Variants in BCR observed in about 807,000 individuals in gnomAD.
The protein encoded by BCR is BCR activator of RhoGEF and GTPase.
A neutral mutation model predicts 138.6 loss-of-function variants in BCR; 58 were observed. The observed-to-expected ratio is 0.42, with a 90% CI of 0.34 to 0.52. BCR has a LOEUF of 0.52. Among genes scored for constraint, BCR ranks in the 20% least tolerant of loss-of-function variants. BCR has a pLI of 0.06. For missense variants in BCR, 1,599 were observed against 1,727.2 expected (o/e 0.93, Z 1.32); for synonymous variants, 786 against 730.1 (o/e 1.08, Z -1.23).
chr22:23,245,729 G>C (rs931945206), intron 1 of BCR, among the ~76,000 whole-genome samples: 3 of 151,922 alleles, frequency 2.0e-5, no homozygotes, highest in Non-Finnish European at 2.9e-5. Flanking sequence ...CCATCCGGAA[G>C]GATACTCTCA....
chr22:23,285,330 C>T, intron 10 of BCR, 129 bp downstream of exon 10: 2 of 1,018,678 alleles, frequency 2.0e-6, no homozygotes, highest in Non-Finnish European at 2.8e-6. Flanking sequence ...CCCCTGTAAG[C>T]TCTCAGCTCT....
intron 1 of BCR, among the ~76,000 whole-genome samples, chr22:23,252,853 G>C (rs1222083423): frequency 6.6e-6 from 1 of 152,176 alleles, no homozygotes; most frequent in Non-Finnish European, 1.5e-5. Flanking sequence ...CCCACACCAA[G>C]CAGTTCTCTG....
chr22:23,303,931 CTTT>C (rs131683), intron 16 of BCR, among the ~76,000 whole-genome samples: 2 of 106,166 alleles, frequency 1.9e-5, no homozygotes. Flanking sequence ...TCCTTGTTGC[CTTT>C]TTTTTTTTTT....
At chr22:23,221,343 G>C (rs1374819434) in intron 1 of BCR, among the ~76,000 whole-genome samples, 1 of 152,158 alleles carries the variant, frequency 6.6e-6, no homozygotes, top group Non-Finnish European at 1.5e-5. Context: ...CAGCACCTCT[G>C]AAAGGTTTTC....
intron 1 of BCR, among the ~76,000 whole-genome samples, chr22:23,244,975 T>A (rs913192324): frequency 6.6e-6 from 1 of 152,080 alleles, no homozygotes; most frequent in Admixed American, 6.5e-5. Flanking sequence ...CCTTTAACAG[T>A]GTTCTGGATC....
At chr22:23,219,974 A>C (rs1333254265) in intron 1 of BCR, among the ~76,000 whole-genome samples, 1 of 152,160 alleles carries the variant, frequency 6.6e-6, no homozygotes, top group Non-Finnish European at 1.5e-5. Flanking sequence ...TGGAGCATTG[A>C]GTCATCCTGT....
chr22:23,254,491 C>T (rs952669340), intron 2 of BCR: 3 of 519,004 alleles, frequency 5.8e-6, no homozygotes, highest in Non-Finnish European at 1.2e-5. Context: ...GGTGGCTTCC[C>T]CAAGGTCTCA....
chr22:23,181,198 G>T lies in BCR; in HGVS notation c.238G>T (p.Ala80Ser). ...CCGGCAGCGATGGGGCTTCCGGCGC[G>T]CGGCGCAGGCCCCCGACGGCGCCTC... ...YDRQRWGFRR[A>S]AQAPDGASEP... The change falls in exon 1 of 23, where the codon GCG becomes TCG. Residue 80 changes from alanine to serine, a missense_variant. This residue lies in a region of BCR where 806 missense variants were observed against 635.0 expected (regional missense o/e 1.27). Coordinates refer to ENST00000305877, the MANE Select transcript of BCR (RefSeq NM_004327.4). The T allele has an allele frequency of 1.5e-6, 2 of 1,317,368 alleles. No individual in the cohort carries two copies. The highest frequency in any genetic ancestry group is 2.0e-6 in the Non-Finnish European group (2 of 1,011,964). 81.6% of individuals were successfully genotyped at this position (1,317,368 alleles called of 1,614,324 possible).
At chr22:23,249,819 T>C (rs1342809201) in intron 1 of BCR, among the ~76,000 whole-genome samples, 1 of 152,188 alleles carries the variant, frequency 6.6e-6, no homozygotes, top group Non-Finnish European at 1.5e-5. Flanking sequence ...AGGCAGGGGC[T>C]GAAGCCCTCA....
At chr22:23,223,516 C>T (rs144581402) in intron 1 of BCR, among the ~76,000 whole-genome samples, 51 of 152,246 alleles carry the variant, frequency 3.3e-4, no homozygotes, top group African/African-American at 1.2e-3. Flanking sequence ...TATCCAAAGC[C>T]CTGTGTGCAC....
Position 23,314,631 on chromosome 22 carries a change from T to C in BCR, c.3643T>C (p.Ser1215Pro). Residue 1215 changes from serine (S) to proline (P), a missense_variant, in exon 22 of 23, where the codon TCC (serine) becomes CCC (proline). Physicochemically the swap from Ser to Pro is moderately conservative, Grantham distance 74 (BLOSUM62 -1). Coordinates refer to ENST00000305877, the MANE Select transcript of BCR (RefSeq NM_004327.4). ...TVFGPTLLRPSEKESKLPANP... is the reference protein window; with the variant it reads ...TVFGPTLLRPPEKESKLPANP... Reference sequence around the variant, plus strand: ...CTTTGGCCCCACGCTGCTCCGGCCCTCCGAGAAGGAGAGCAAGCTCCCTGC... The same window carrying C: ...CTTTGGCCCCACGCTGCTCCGGCCCCCCGAGAAGGAGAGCAAGCTCCCTGC... The C allele has an allele frequency of 6.2e-7, 1 of 1,611,782 alleles. No homozygotes were observed. The highest frequency in any genetic ancestry group is 8.5e-7 in the Non-Finnish European group (1 of 1,179,784).
chr22:23,296,267 G>A (rs903868947), intron 16 of BCR, among the ~76,000 whole-genome samples: 4 of 151,866 alleles, frequency 2.6e-5, no homozygotes, highest in Non-Finnish European at 4.4e-5. Flanking sequence ...CCAGCTACTC[G>A]GGAGGCCGAG....
At chr22:23,194,149 A>G (rs2072449182) in intron 1 of BCR, among the ~76,000 whole-genome samples, 1 of 152,080 alleles carries the variant, frequency 6.6e-6, no homozygotes, top group South Asian at 2.1e-4. Flanking sequence ...AGCACTGTTT[A>G]TTTTTGCCCA....
chr22:23,304,331 A>T (rs2073935550), intron 16 of BCR, among the ~76,000 whole-genome samples: 1 of 152,088 alleles, frequency 6.6e-6, no homozygotes, highest in African/African-American at 2.4e-5. Context: ...TAAACGTGGA[A>T]TCATACTAGA....
At chr22:23,264,213 G>A in intron 4 of BCR, 1 of 1,157,974 alleles carries the variant, frequency 8.6e-7, no homozygotes, top group Non-Finnish European at 1.3e-6. Flanking sequence ...ACGGCTGTGG[G>A]ACCGGCACCA....
chr22:23,219,278 C>T lies in BCR; in HGVS notation c.1280-34521C>T, dbSNP rs139125562. Among the ~76,000 whole-genome samples, 6 of 152,296 alleles carry T rather than the reference C, an allele frequency of 3.9e-5. No homozygotes were observed. In the East Asian group the frequency reaches 1.2e-3, roughly 29 times the overall value. On this transcript the variant is annotated intron_variant, in intron 1 of 22. Coordinates refer to ENST00000305877, the MANE Select transcript of BCR (RefSeq NM_004327.4). ...AGTCGGTGAAAGCTGAGCGTGCCCA[C>T]CAAAGACACTTGAATGGGCGGCTGG... is the stretch of plus-strand genomic sequence containing the variant.
chr22:23,271,571 A>T lies in BCR; in HGVS notation c.1900A>T (p.Thr634Ser). 1 of 1,614,096 alleles carries T rather than the reference A, an allele frequency of 6.2e-7. No homozygotes were observed. Among genetic ancestry groups the T allele is most frequent in the Non-Finnish European group, 8.5e-7 (1 of 1,180,030 alleles). ...ARSNKDAKDP[T>S]TKNSLETLLY... ...AAGCAACAAAGATGCCAAGGATCCA[A>T]CGACCAAGAACTCTCTGGAAAGTGA... Residue 634 changes from threonine (T) to serine (S), a missense_variant, in exon 6 of 23, where the codon ACG becomes TCG. Thr to Ser is a moderately conservative substitution (Grantham distance 58, BLOSUM62 1). Around this residue, in one of 4 missense-constraint regions of BCR, gnomAD observed 590 missense variants for 762.4 expected, o/e 0.77. Coordinates refer to ENST00000305877, the MANE Select transcript of BCR (RefSeq NM_004327.4).
At chr22:23,216,151 A>G (rs1361717875) in intron 1 of BCR, among the ~76,000 whole-genome samples, 1 of 152,254 alleles carries the variant, frequency 6.6e-6, no homozygotes, top group East Asian at 1.9e-4. Flanking sequence ...CGTTGGCAAC[A>G]CCACCGATTT....
intron 5 of BCR, among the ~76,000 whole-genome samples, chr22:23,269,127 G>C (rs1016583205): frequency 6.6e-6 from 1 of 152,236 alleles, no homozygotes; most frequent in African/African-American, 2.4e-5. Context: ...CCAGGGCCTC[G>C]AAAGAGTCAT....
Sources: allele counts gnomAD v4.1 joint callset (sites outside exome capture counted in the v4.1 genomes callset), GRCh38; gene constraint gnomAD v4.1.1; regional missense constraint gnomAD v4.1.1; transcripts MANE v1.5; gene names NCBI Gene and HGNC (gene_info 2026-07-23, HGNC 2026-07-21).